Variants in DDX4 observed in about 807,000 individuals in gnomAD.
DDX4 encodes the protein DEAD-box helicase 4.
In DDX4, 25 loss-of-function variants were observed where a neutral mutation model predicts 100.0. The ratio of observed to expected loss-of-function variants is 0.25; its 90% CI spans 0.18 to 0.35. The LOEUF is 0.35. DDX4 is among the 10% of genes least tolerant of loss of function. The pLI is 1.00. For missense variants in DDX4, 635 were observed against 882.4 expected (o/e 0.72, Z 3.55); for synonymous variants, 259 against 275.7 (o/e 0.94, Z 0.60).
rs555916052 is a variant in DDX4, at chr5:55,781,638, G to A, written c.578-296G>A. Among the ~76,000 whole-genome samples the A allele has an allele frequency of 1.2e-4, 18 of 152,178 alleles. No individual in the cohort carries two copies. The South Asian group carries it at 1.2e-3, about 11-fold the overall frequency. ...CTAAAAATACAGAAATTAGCTGGGC[G>A]TGGTGGTATGTGCCTGTAGTCCCAG... On this transcript the variant is annotated intron_variant, in intron 9 of 21. Coordinates refer to ENST00000505374, the MANE Select transcript of DDX4 (RefSeq NM_024415.3).
chr5:55,807,636 T>C (rs571280558), intron 18 of DDX4, among the ~76,000 whole-genome samples: 263 of 152,364 alleles, frequency 1.7e-3, no homozygotes, highest in Middle Eastern at 0.01. Context: ...TCTTTAAGAA[T>C]GTTGAATATT....
intron 10 of DDX4, among the ~76,000 whole-genome samples, chr5:55,783,379 G>A (rs1391580781): frequency 4.6e-5 from 7 of 151,770 alleles, no homozygotes; most frequent in Non-Finnish European, 2.9e-5. Context: ...GAAAATTAGA[G>A]TTCACATATA....
At chr5:55,805,088 G>T (rs1743605661) in intron 18 of DDX4, among the ~76,000 whole-genome samples, 2 of 151,588 alleles carry the variant, frequency 1.3e-5, no homozygotes, top group South Asian at 4.1e-4. Context: ...TGAAGCAATT[G>T]TGAATGGGAG....
Position 55,750,805 on chromosome 5 carries a change from T to G in DDX4, c.127+4584T>G, listed in dbSNP as rs1039790920. ...AGAATTTTTTTTTTACTTTTCCCCC[T>G]CATCACTGTTTAAGATATATTCCTA... On this transcript the variant is annotated intron_variant, in intron 3 of 21. Coordinates refer to ENST00000505374, the MANE Select transcript of DDX4 (RefSeq NM_024415.3). 2.6e-5 allele frequency among the ~76,000 whole-genome samples: 4 copies of G among 152,156 alleles called. No homozygotes were observed. The East Asian group carries it at 7.7e-4, about 29-fold the overall frequency.
chr5:55,767,411 C>T (rs763891388), intron 6 of DDX4, among the ~76,000 whole-genome samples: 1 of 152,186 alleles, frequency 6.6e-6, no homozygotes, highest in Non-Finnish European at 1.5e-5. Flanking sequence ...CAGTGCACTC[C>T]AGCCTGGGCA....
chr5:55,803,507 G>C (rs1743469008), intron 18 of DDX4, among the ~76,000 whole-genome samples: 1 of 111,654 alleles, frequency 9.0e-6, no homozygotes, highest in African/African-American at 3.7e-5. Context: ...CCCAGAGTGT[G>C]ATGTTCCCCT....
At chr5:55,754,560 C>G (rs1318331652) in intron 3 of DDX4, among the ~76,000 whole-genome samples, 2 of 149,914 alleles carry the variant, frequency 1.3e-5, no homozygotes, top group Non-Finnish European at 3.0e-5. Context: ...TGATGTGCTG[C>G]TGGATTCGGT....
At chr5:55,743,111 ATAAATT>A (rs1438068341) in intron 2 of DDX4, among the ~76,000 whole-genome samples, 2 of 152,200 alleles carry the variant, frequency 1.3e-5, no homozygotes, top group Non-Finnish European at 2.9e-5. Flanking sequence ...TTAAAGCAAC[ATAAATT>A]TATTCTCATA....
At chr5:55,755,509 A>G (rs542527559) in intron 3 of DDX4, among the ~76,000 whole-genome samples, 1 of 152,198 alleles carries the variant, frequency 6.6e-6, no homozygotes, top group Admixed American at 6.5e-5. Flanking sequence ...CTTTTATTGT[A>G]CTATTGGATG....
At chr5:55,809,790 C>CT (rs1355256009) in intron 18 of DDX4, among the ~76,000 whole-genome samples, 2 of 152,108 alleles carry the variant, frequency 1.3e-5, no homozygotes, top group Non-Finnish European at 2.9e-5. Context: ...TGAAGAACCA[C>CT]TGAAGAAGAT....
intron 6 of DDX4, 144 bp downstream of exon 6, chr5:55,764,208 C>T (rs913951360): frequency 3.2e-6 from 2 of 628,828 alleles, no homozygotes; most frequent in East Asian, 2.8e-5. Flanking sequence ...AAAGCCTTAA[C>T]CAAGGATATT....
chr5:55,738,514 C>T (rs901550889), intron 1 of DDX4, among the ~76,000 whole-genome samples: 1 of 151,940 alleles, frequency 6.6e-6, no homozygotes, highest in African/African-American at 2.4e-5. Flanking sequence ...CCCGCCCCCA[C>T]GCACGCCACA....
chr5:55,792,548 TCTTAACAGTA>T, intron 16 of DDX4, 83 bp from the exon 17 acceptor site: 2 of 637,984 alleles, frequency 3.1e-6, no homozygotes, highest in Non-Finnish European at 2.3e-6. Flanking sequence ...TTTTTTTTTT[TCTTAACAGTA>T]TTTTAACAGT....
At chr5:55,774,277 G>A (rs1741429784) in intron 7 of DDX4, among the ~76,000 whole-genome samples, 1 of 151,780 alleles carries the variant, frequency 6.6e-6, no homozygotes, top group Non-Finnish European at 1.5e-5. Context: ...TCAGCCTCCT[G>A]AGTAGCTGGG....
At chr5:55,767,738 ATTAT>A in intron 6 of DDX4, 139 bp from the exon 7 acceptor site, 1 of 600,032 alleles carries the variant, frequency 1.7e-6, no homozygotes, top group Non-Finnish European at 2.9e-6. Context: ...ATCTGTTAAA[ATTAT>A]TTGAAGAAAT....
chr5:55,792,193 A>G (rs953271744), intron 16 of DDX4, among the ~76,000 whole-genome samples: 88 of 151,294 alleles, frequency 5.8e-4, no homozygotes, highest in African/African-American at 2.0e-3. Context: ...GTTTTATTGC[A>G]CAGTGTTGAT....
intron 2 of DDX4, among the ~76,000 whole-genome samples, chr5:55,739,726 A>G (rs907023148): frequency 3.3e-5 from 5 of 152,112 alleles, no homozygotes; most frequent in Non-Finnish European, 7.4e-5. Context: ...TCTGATTTCA[A>G]GTTTTGCCTT....
chr5:55,772,836 T>C (rs894161344), intron 7 of DDX4, among the ~76,000 whole-genome samples: 4 of 152,218 alleles, frequency 2.6e-5, no homozygotes, highest in South Asian at 4.1e-4. Flanking sequence ...TTTTCAGATA[T>C]CAAATCTTGA....
chr5:55,804,694 G>A (rs1361576739), intron 18 of DDX4, among the ~76,000 whole-genome samples: 2 of 151,944 alleles, frequency 1.3e-5, no homozygotes, highest in South Asian at 2.1e-4. Context: ...CTCTGTTTTG[G>A]TACCAGTACC....
Sources: allele counts gnomAD v4.1 joint callset (sites outside exome capture counted in the v4.1 genomes callset), GRCh38; gene constraint gnomAD v4.1.1; transcripts MANE v1.5; gene names NCBI Gene and HGNC (gene_info 2026-07-23, HGNC 2026-07-21).